Variants in RBFOX3 observed in about 807,000 individuals in gnomAD.
RBFOX3 encodes RNA binding protein fox-1 homolog 3.
Under a neutral mutation model 48.7 loss-of-function variants are expected in RBFOX3, and 17 were observed. The ratio of observed to expected loss-of-function variants is 0.35; its 90% confidence interval spans 0.24 to 0.52. RBFOX3 has a LOEUF of 0.52. Among genes scored for constraint, RBFOX3 ranks in the 20% least tolerant of loss-of-function variants. The probability of loss-of-function intolerance (pLI) is 0.94; values close to 1 mark genes in which losing one functional copy is unlikely to be tolerated. For synonymous variants in RBFOX3, 212 were observed against 209.5 expected, an observed-to-expected ratio of 1.01 and a Z score of -0.10; for missense variants, 382 against 497.5, an observed-to-expected ratio of 0.77 and a Z score of 2.21.
intron 1 of RBFOX3, among the ~76,000 whole-genome samples, chr17:79,546,669 ATT>A (rs34998319): frequency 1.1e-4 from 14 of 121,752 alleles, no homozygotes; most frequent in Admixed American, 1.7e-4. Flanking sequence ...TCCTCATTCT[ATT>A]TTTTTTTTTT....
chr17:79,456,628 T>C (rs782633911), intron 2 of RBFOX3, among the ~76,000 whole-genome samples: 1 of 152,174 alleles, frequency 6.6e-6, no homozygotes, highest in South Asian at 2.1e-4. Flanking sequence ...AGAGATGCCA[T>C]CATTTTATAA....
the RBFOX3 span, among the ~76,000 whole-genome samples, chr17:79,631,435 AG>A: frequency 6.6e-6 from 1 of 152,104 alleles, no homozygotes; most frequent in East Asian, 1.9e-4. Context: ...TGAATTTACA[AG>A]CCAGTGTCAG....
chr17:79,265,252 T>C (rs191428140), intron 3 of RBFOX3, among the ~76,000 whole-genome samples: 1 of 152,204 alleles, frequency 6.6e-6, no homozygotes, highest in Non-Finnish European at 1.5e-5. Context: ...CCTAAGTTTT[T>C]AAATGTAATG....
chr17:79,250,012 C>T (rs766768185), intron 3 of RBFOX3, among the ~76,000 whole-genome samples: 26 of 152,208 alleles, frequency 1.7e-4, no homozygotes, highest in Non-Finnish European at 3.8e-4. Context: ...CGTAATGCTT[C>T]CCTGGTGGTA....
intron 4 of RBFOX3, among the ~76,000 whole-genome samples, chr17:79,219,715 G>A (rs908949002): frequency 9.2e-5 from 14 of 152,084 alleles, no homozygotes; most frequent in Admixed American, 5.9e-4. Context: ...CGGGGAGGTC[G>A]GCTGGGGCTC....
chr17:79,371,605 G>C (rs1223207019), intron 2 of RBFOX3, among the ~76,000 whole-genome samples: 1 of 152,190 alleles, frequency 6.6e-6, no homozygotes, highest in Non-Finnish European at 1.5e-5. Flanking sequence ...CCTAGGGTTA[G>C]GGGCCACTCG....
chr17:79,331,259 C>G (rs1430907852), intron 2 of RBFOX3, among the ~76,000 whole-genome samples: 1 of 152,210 alleles, frequency 6.6e-6, no homozygotes, highest in Non-Finnish European at 1.5e-5. Flanking sequence ...AGCATTTCCC[C>G]TGCCGTTTGC....
At position 79,367,043 on chromosome 17, in the gene RBFOX3, G is replaced by A. The variant is rs896146531; in HGVS notation, c.-174-59219C>T. On this transcript the variant is annotated intron_variant, in intron 2 of 14. Coordinates refer to ENST00000693108, the MANE Select transcript of RBFOX3 (RefSeq NM_001350451.2). ...GAGCTACGCAGAGGTCTGCTGCACC[G>A]TGTTGTGACTGCCTCACAGCCTCAC... Among the ~76,000 whole-genome samples the A allele has an allele frequency of 3.5e-4, 54 of 152,154 alleles. 1 individual carries two copies. Among genetic ancestry groups the A allele is most frequent in the South Asian group, 1.2e-3 (6 of 4,834 alleles).
At chr17:79,228,063 G>A (rs866729299) in intron 4 of RBFOX3, among the ~76,000 whole-genome samples, 6 of 152,190 alleles carry the variant, frequency 3.9e-5, no homozygotes, top group African/African-American at 1.4e-4. Context: ...GGCCAGGGAC[G>A]CATGTCTTCC....
At chr17:79,130,394 T>G (rs1036471566) in intron 4 of RBFOX3, among the ~76,000 whole-genome samples, 1 of 152,184 alleles carries the variant, frequency 6.6e-6, no homozygotes, top group Non-Finnish European at 1.5e-5. Flanking sequence ...CACAGTCACT[T>G]CGCAAGCCAA....
intron 4 of RBFOX3, among the ~76,000 whole-genome samples, chr17:79,150,451 G>A (rs1161124257): frequency 2.6e-5 from 4 of 152,132 alleles, no homozygotes; most frequent in African/African-American, 7.2e-5. Context: ...CAGCCCAGGA[G>A]GTTCCTTCAG....
At chr17:79,140,808 T>C (rs2041770118) in intron 4 of RBFOX3, among the ~76,000 whole-genome samples, 1 of 152,224 alleles carries the variant, frequency 6.6e-6, no homozygotes. Context: ...CTCACACTTC[T>C]CCACCCGGAA....
the RBFOX3 span, among the ~76,000 whole-genome samples, chr17:79,636,237 T>C: frequency 1.0e-3 from 156 of 152,244 alleles, no homozygotes; most frequent in East Asian, 3.9e-3. Flanking sequence ...ACAGTACACA[T>C]AAAATTCCAT....
chr17:79,330,138 C>T (rs745734658), intron 2 of RBFOX3, among the ~76,000 whole-genome samples: 58 of 152,292 alleles, frequency 3.8e-4, no homozygotes, highest in South Asian at 4.2e-4. Context: ...TGTGGGCGCG[C>T]GTGTACCTGC....
At chr17:79,458,685 G>A (rs988661815) in intron 2 of RBFOX3, among the ~76,000 whole-genome samples, 8 of 152,128 alleles carry the variant, frequency 5.3e-5, no homozygotes, top group African/African-American at 9.7e-5. Flanking sequence ...GAGCTGGGGC[G>A]GGGGCAGCAG....
At position 79,420,128 on chromosome 17, in the gene RBFOX3, TAC is replaced by T. The variant is rs58282867; in HGVS notation, c.-175+62324_-175+62325del. Among the ~76,000 whole-genome samples, 186 of 114,366 alleles carry T rather than the reference TAC, an allele frequency of 1.6e-3. 2 individuals are homozygous for T. Among genetic ancestry groups the T allele is most frequent in the South Asian group, 3.6e-3 (12 of 3,360 alleles). 75.0% of individuals were successfully genotyped at this position (114,366 alleles called of 152,430 possible). A position where few individuals can be genotyped will look rare whatever the true frequency, so the allele number is the denominator to read the frequency against. On this transcript the variant is annotated intron_variant, in intron 2 of 14. Coordinates refer to ENST00000693108, the MANE Select transcript of RBFOX3 (RefSeq NM_001350451.2). Reference sequence around the variant, plus strand: ...GGCAACAGAGCAAGACTCCGTCTCATACACACACACACACACACACACACACA... The same window carrying T: ...GGCAACAGAGCAAGACTCCGTCTCATACACACACACACACACACACACACA...
chr17:79,441,528 G>A (rs1474523421), intron 2 of RBFOX3, among the ~76,000 whole-genome samples: 1 of 152,184 alleles, frequency 6.6e-6, no homozygotes, highest in Non-Finnish European at 1.5e-5. Flanking sequence ...AGGAATCCCA[G>A]GGACAGCGGA....
At chr17:79,253,564 T>TA (rs2064313302) in intron 3 of RBFOX3, among the ~76,000 whole-genome samples, 1 of 152,190 alleles carries the variant, frequency 6.6e-6, no homozygotes, top group Non-Finnish European at 1.5e-5. Context: ...AAGATATATA[T>TA]TTTTAAAGCC....
At chr17:79,489,820 C>G (rs1329532468) in intron 1 of RBFOX3, among the ~76,000 whole-genome samples, 1 of 152,152 alleles carries the variant, frequency 6.6e-6, no homozygotes, top group Non-Finnish European at 1.5e-5. Context: ...TCATACCTTT[C>G]AGGGCTGCTG....
Sources: allele counts gnomAD v4.1 joint callset (sites outside exome capture counted in the v4.1 genomes callset), GRCh38; gene constraint gnomAD v4.1.1; transcripts MANE v1.5; gene names NCBI Gene and HGNC (gene_info 2026-07-23, HGNC 2026-07-21).